Variants in IQANK1 observed in about 807,000 individuals in gnomAD.
IQANK1 encodes the protein IQ motif and ankyrin repeat containing 1.
A neutral mutation model predicts 22.6 loss-of-function variants in IQANK1; 30 were observed. The observed-to-expected ratio is 1.33, with a 90% CI of 0.99 to 1.80. IQANK1 has a LOEUF of 1.80. Ranked by LOEUF, IQANK1 falls within the 40% of genes most tolerant of loss-of-function variation. IQANK1 has a pLI of 0.00. For synonymous variants in IQANK1, 122 were observed against 99.6 expected, an observed-to-expected ratio of 1.23 and a Z score of -1.34; for missense variants, 275 against 235.2, an observed-to-expected ratio of 1.17 and a Z score of -1.11.
At chr8:143,749,286 A>T (rs1251077385) in intron 3 of IQANK1, among the ~76,000 whole-genome samples, 14 of 122,956 alleles carry the variant, frequency 1.1e-4, no homozygotes, top group Non-Finnish European at 1.6e-4. Flanking sequence ...AATATATATA[A>T]AAATATATAA....
chr8:143,761,067 G>A (rs1174261934), intron 3 of IQANK1, among the ~76,000 whole-genome samples: 1 of 152,226 alleles, frequency 6.6e-6, no homozygotes, highest in Non-Finnish European at 1.5e-5. Flanking sequence ...GAACCAGGGC[G>A]TCAATGCGGG....
Position 143,736,010 on chromosome 8 carries a change from C to T in IQANK1, c.85+72C>T, listed in dbSNP as rs553910876. On this transcript the variant is annotated intron_variant, in intron 2 of 13. Coordinates refer to ENST00000527139, the MANE Select transcript of IQANK1 (RefSeq NM_001381874.1). Reference sequence around the variant, plus strand: ...CCTGTGAGACCTTCTATGTAGCCACCGAGAGACACCCCCTCTGAGGAGAGC... The same window carrying T: ...CCTGTGAGACCTTCTATGTAGCCACTGAGAGACACCCCCTCTGAGGAGAGC... 24 of 694,202 alleles carry T rather than the reference C, an allele frequency of 3.5e-5. No individual in the cohort carries two copies. In the East Asian group the frequency reaches 4.8e-4, roughly 14 times the overall value. The allele number at this position is 694,202 out of a possible 1,614,324, so 43.0% of individuals were successfully genotyped here.
intron 3 of IQANK1, among the ~76,000 whole-genome samples, chr8:143,763,380 G>A (rs529171842): frequency 1.3e-5 from 2 of 152,324 alleles, no homozygotes; most frequent in South Asian, 4.1e-4. Flanking sequence ...TGCTTATTGT[G>A]TGTGAGACCC....
At chr8:143,746,980 C>T (rs28798180) in intron 3 of IQANK1, among the ~76,000 whole-genome samples, 8,809 of 151,884 alleles carry the variant, frequency 0.058, 837 homozygotes, top group African/African-American at 0.2. Flanking sequence ...CCTGGGTTCA[C>T]GCCATTCTCC....
At chr8:143,768,289 G>A (rs1466980950) in intron 3 of IQANK1, among the ~76,000 whole-genome samples, 1 of 152,080 alleles carries the variant, frequency 6.6e-6, no homozygotes, top group Non-Finnish European at 1.5e-5. Flanking sequence ...CTCACCGCTT[G>A]TGACGTTGCC....
At chr8:143,740,954 C>A (rs1432527693) in intron 3 of IQANK1, among the ~76,000 whole-genome samples, 1 of 152,218 alleles carries the variant, frequency 6.6e-6, no homozygotes, top group Non-Finnish European at 1.5e-5. Flanking sequence ...TGGCAAGAGG[C>A]AGCTATGAGA....
chr8:143,735,237 C>T lies in IQANK1; in HGVS notation c.-4-613C>T, dbSNP rs1245920972. Among the ~76,000 whole-genome samples the T allele has an allele frequency of 6.6e-6, 1 of 152,320 alleles. No homozygotes were observed. Among genetic ancestry groups the T allele is most frequent in the East Asian group, 1.9e-4 (1 of 5,182 alleles). ...GGGGCATGGGGCACCGGGGAGGACCCGGACAGGCTGGGGCAGGCAGGAGGA... is the reference window on the plus strand; with the variant it reads ...GGGGCATGGGGCACCGGGGAGGACCTGGACAGGCTGGGGCAGGCAGGAGGA... On this transcript the variant is annotated intron_variant, in intron 1 of 13. Transcript: ENST00000527139. This position sits in a 1 kb window ranked among gnomAD's most constrained non-coding sequence, Gnocchi z 5.2.
chr8:143,753,458 C>CTTT (rs1343991267), intron 3 of IQANK1, among the ~76,000 whole-genome samples: 2 of 130,404 alleles, frequency 1.5e-5, no homozygotes, highest in African/African-American at 5.7e-5. Context: ...GGGAAAGTTT[C>CTTT]TTTTTTTTTT....
intron 3 of IQANK1, among the ~76,000 whole-genome samples, chr8:143,747,621 A>G (rs535367767): frequency 6.9e-6 from 1 of 145,204 alleles, no homozygotes; most frequent in Admixed American, 6.8e-5. Flanking sequence ...TTTTTGATCC[A>G]TTGACTGTTG....
intron 2 of IQANK1, among the ~76,000 whole-genome samples, chr8:143,738,510 G>T (rs1030959123): frequency 6.6e-6 from 1 of 152,222 alleles, no homozygotes; most frequent in Non-Finnish European, 1.5e-5. Flanking sequence ...CGGCGCGGTG[G>T]CTCGCCTGGG....
At position 143,772,448 on chromosome 8, in the gene IQANK1, G is replaced by A. The variant is rs1819597720; in HGVS notation, c.755G>A (p.Arg252Gln). ...EVLLKLGADP[R>Q]VYAEDGSTPE... is the part of the protein sequence containing the mutation. ...CTCCTGAAGCTCGGAGCAGACCCCC[G>A]GGTGTACGCAGAGGACGGGAGCACC... Residue 252 changes from arginine (R) to glutamine (Q), a missense_variant, in exon 7 of 14, where the codon CGG (arginine) becomes CAG (glutamine). Coordinates refer to ENST00000527139, the MANE Select transcript of IQANK1 (RefSeq NM_001381874.1). 7 of 399,192 alleles carry A rather than the reference G, an allele frequency of 1.8e-5. No individual in the cohort carries two copies. The South Asian group carries it at 3.8e-4, about 22-fold the overall frequency. The allele number at this position is 399,192 out of a possible 1,614,324, so 24.7% of individuals were successfully genotyped here.
intron 3 of IQANK1, among the ~76,000 whole-genome samples, chr8:143,763,823 C>T (rs568433620): frequency 6.6e-6 from 1 of 152,316 alleles, no homozygotes; most frequent in South Asian, 2.1e-4. Context: ...CAGACTAACA[C>T]ATTAGCCAAT....
At chr8:143,757,405 T>C (rs1388944470) in intron 3 of IQANK1, among the ~76,000 whole-genome samples, 4 of 151,804 alleles carry the variant, frequency 2.6e-5, no homozygotes, top group Admixed American at 1.3e-4. Flanking sequence ...GGTGCGAGCT[T>C]GGCTCACTGC....
At chr8:143,769,566 A>G (rs912502270) in intron 3 of IQANK1, among the ~76,000 whole-genome samples, 1 of 152,118 alleles carries the variant, frequency 6.6e-6, no homozygotes, top group Non-Finnish European at 1.5e-5. Context: ...TTTATTAGCT[A>G]AATCTGGCAA....
intron 7 of IQANK1, among the ~76,000 whole-genome samples, chr8:143,775,126 C>T (rs1819658275): frequency 1.3e-5 from 2 of 151,976 alleles, no homozygotes; most frequent in Admixed American, 1.3e-4. Context: ...CACACACACA[C>T]GAGTAGATGT....
chr8:143,751,675 T>TATATATATAA (rs1379910945), intron 3 of IQANK1, among the ~76,000 whole-genome samples: 24 of 140,734 alleles, frequency 1.7e-4, no homozygotes, highest in African/African-American at 6.0e-4. Flanking sequence ...TATATATATA[T>TATATATATAA]ATAAAATCCT....
intron 7 of IQANK1, among the ~76,000 whole-genome samples, chr8:143,779,926 T>A (rs1819761454): frequency 6.6e-6 from 1 of 152,232 alleles, no homozygotes; most frequent in Non-Finnish European, 1.5e-5. Context: ...TTCCATCCTA[T>A]TTATCTAGTT....
At chr8:143,740,338 G>T (rs1266812600) in intron 3 of IQANK1, among the ~76,000 whole-genome samples, 4 of 152,166 alleles carry the variant, frequency 2.6e-5, no homozygotes, top group Non-Finnish European at 5.9e-5. Flanking sequence ...GGGGCCCTGC[G>T]CGTCGCCTTG....
chr8:143,778,293 A>G (rs1554630650), intron 7 of IQANK1, among the ~76,000 whole-genome samples: 6 of 152,222 alleles, frequency 3.9e-5, no homozygotes, highest in African/African-American at 1.2e-4. Flanking sequence ...AAAAGCACAA[A>G]TAGTTGAAAA....
Sources: gnomAD v4.1 joint callset for allele counts (sites outside exome capture counted in the v4.1 genomes callset) on GRCh38, gnomAD v4.1.1 for gene constraint, Gnocchi (gnomAD v3.1) non-coding constraint, MANE v1.5 for transcripts, NCBI Gene and HGNC (gene_info 2026-07-23, HGNC 2026-07-21) for gene names.